The following IYD variants were observed in gnomAD, a reference collection of about 807,000 sequenced individuals.
The protein encoded by IYD is iodotyrosine deiodinase.
Under a neutral mutation model 28.4 loss-of-function variants are expected in IYD, and 25 were observed. That is an observed-to-expected ratio of 0.88 (90% CI 0.64 to 1.23). The LOEUF (loss-of-function observed/expected upper bound fraction) is 1.23, where lower values mean the gene tolerates loss of function less well. Ranked by LOEUF, IYD falls within the 50% of genes most tolerant of loss-of-function variation. The pLI is 0.00. For missense variants in IYD, 352 were observed against 357.9 expected (o/e 0.98, Z 0.13); for synonymous variants, 140 against 130.8 (o/e 1.07, Z -0.48).
chr6:150,395,734 G>A, intron 4 of IYD: 1 of 706,698 alleles, frequency 1.4e-6, no homozygotes, highest in Non-Finnish European at 2.6e-6. Flanking sequence ...AGCGCGCCAT[G>A]CATGTCTTGT....
At position 150,398,230 on chromosome 6, in the gene IYD, C is replaced by G; in HGVS notation, c.863C>G (p.Thr288Arg). 1 of 1,614,132 alleles carries G rather than the reference C, an allele frequency of 6.2e-7. No individual in the cohort carries two copies. Among genetic ancestry groups the G allele is most frequent in the Non-Finnish European group, 8.5e-7 (1 of 1,180,012 alleles). ...AAACCTCTGGACCAGATCATGGTGA[C>G]AGTGTAGGCAGGGCCCCCCAAGGGA... Reference protein sequence around the residue: ...KRKPLDQIMVTV With the variant: ...KRKPLDQIMVRV Residue 288 changes from threonine to arginine, a missense_variant, in exon 5 of 5, where the codon ACA (threonine) becomes AGA (arginine). Coordinates refer to ENST00000344419, the MANE Select transcript of IYD (RefSeq NM_203395.3).
chr6:150,393,377 G>T (rs897245827), intron 3 of IYD, among the ~76,000 whole-genome samples: 1 of 152,208 alleles, frequency 6.6e-6, no homozygotes, highest in African/African-American at 2.4e-5. Context: ...TGGTTAAGTA[G>T]CTTTGAAAGT....
chr6:150,396,671 G>C (rs757572396), intron 4 of IYD: 24 of 386,084 alleles, frequency 6.2e-5, no homozygotes, highest in Non-Finnish European at 1.1e-4. Flanking sequence ...TCAGGAGATC[G>C]AGACCATCCT....
intron 1 of IYD, among the ~76,000 whole-genome samples, chr6:150,378,723 G>A (rs1777542443): frequency 6.6e-6 from 1 of 152,230 alleles, no homozygotes; most frequent in South Asian, 2.1e-4. Flanking sequence ...CATTGTGGAA[G>A]TCAGTGTGGC....
intron 2 of IYD, among the ~76,000 whole-genome samples, chr6:150,389,859 C>A (rs1221481491): frequency 6.6e-6 from 1 of 152,106 alleles, no homozygotes; most frequent in Non-Finnish European, 1.5e-5. Flanking sequence ...AGGAGATACA[C>A]CTTCTTTCTT....
intron 2 of IYD, among the ~76,000 whole-genome samples, chr6:150,391,911 G>T (rs2115052558): frequency 6.6e-6 from 1 of 151,996 alleles, no homozygotes; most frequent in East Asian, 1.9e-4. Flanking sequence ...GTTTCACCAT[G>T]TTGGCCAGGC....
rs1204800403 is a variant in IYD, at chr6:150,395,308, A to G, written c.687+1053A>G. On this transcript the variant is annotated intron_variant, in intron 4 of 4. Coordinates refer to ENST00000344419, the MANE Select transcript of IYD (RefSeq NM_203395.3). The stretch of plus-strand genomic sequence containing the variant: ...CTTTTGAGAGACAATGGATTAAAAA[A>G]AAAAGAGAGCTTCTTCACTATCTCA... The G allele has an allele frequency of 7.6e-6, 7 of 925,718 alleles. No homozygotes were observed. In the Admixed American group the frequency reaches 1.9e-4, roughly 25 times the overall value. 57.3% of individuals were successfully genotyped at this position (925,718 alleles called of 1,614,324 possible). A position where few individuals can be genotyped will look rare whatever the true frequency, so the allele number is the denominator to read the frequency against.
chr6:150,370,224 CGTGT>C (rs376701812), intron 1 of IYD, among the ~76,000 whole-genome samples: 1 of 150,170 alleles, frequency 6.7e-6, no homozygotes, highest in African/African-American at 2.5e-5. Flanking sequence ...TGTGCGCGTG[CGTGT>C]GTGTGTGTGC....
At chr6:150,396,586 A>G in intron 4 of IYD, 1 of 635,732 alleles carries the variant, frequency 1.6e-6, no homozygotes, top group Non-Finnish European at 2.8e-6. Flanking sequence ...AAAAAAGTTT[A>G]AGACTTGGCC....
At chr6:150,382,008 G>T (rs7761906) in intron 1 of IYD, among the ~76,000 whole-genome samples, 2 of 152,042 alleles carry the variant, frequency 1.3e-5, no homozygotes, top group South Asian at 2.1e-4. Flanking sequence ...GCAGAGTCAT[G>T]GTGTGAAGGG....
chr6:150,370,294 A>G (rs1261062050), intron 1 of IYD, among the ~76,000 whole-genome samples: 1 of 149,586 alleles, frequency 6.7e-6, no homozygotes, highest in Non-Finnish European at 1.5e-5. Context: ...TGCATGTGTG[A>G]GTGTGTGTGC....
chr6:150,372,891 A>C (rs1269344008), intron 1 of IYD, among the ~76,000 whole-genome samples: 3 of 152,150 alleles, frequency 2.0e-5, no homozygotes, highest in Non-Finnish European at 2.9e-5. Flanking sequence ...GTTAGGGTCC[A>C]AGAAAGAAGA....
rs1778426875 is a variant in IYD, at chr6:150,399,028, G to A, written c.*791G>A. 6.6e-6 allele frequency: 1 copy of A among 152,366 alleles called. No individual in the cohort carries two copies. Among genetic ancestry groups the A allele is most frequent in the Non-Finnish European group, 1.5e-5 (1 of 68,220 alleles). 9.4% of individuals were successfully genotyped at this position (152,366 alleles called of 1,614,324 possible). On this transcript the variant is annotated 3_prime_UTR_variant, in exon 5 of 5. Transcript: ENST00000344419. ...ACTGCACTCCAGCCTGGGCAACAGA[G>A]CGAGAACCTGTCTCAAAAAAAACAA...
At chr6:150,372,444 T>G (rs866350965) in intron 1 of IYD, among the ~76,000 whole-genome samples, 19 of 52,432 alleles carry the variant, frequency 3.6e-4, no homozygotes, top group Non-Finnish European at 6.2e-4. Flanking sequence ...TGTGTGTGTG[T>G]GGGTGGGGTG....
intron 1 of IYD, among the ~76,000 whole-genome samples, chr6:150,372,285 A>G (rs1648559579): frequency 7.5e-6 from 1 of 133,198 alleles, no homozygotes; most frequent in Non-Finnish European, 1.6e-5. Context: ...GTGAGGGGTC[A>G]TTGTGTGACC....
rs377471791 is a variant in IYD at position 150,397,575 on chromosome 6, AAAAAC to A, written c.688-475_688-471del. Among the ~76,000 whole-genome samples, 4 of 125,842 alleles carry A rather than the reference AAAAAC, an allele frequency of 3.2e-5. 1 individual carries two copies. The highest frequency in any genetic ancestry group is 2.0e-4 in the African/African-American group (4 of 19,916). 82.6% of individuals were successfully genotyped at this position (125,842 alleles called of 152,430 possible). On this transcript the variant is annotated intron_variant, in intron 4 of 4. Coordinates refer to ENST00000344419, the MANE Select transcript of IYD (RefSeq NM_203395.3). ...ATAGAGCCATACTTTGTCTCAAAAA[AAAAAC>A]AAAAAACAAAACCGAATATGTATAT...
chr6:150,383,763 G>A (rs1211580795), intron 1 of IYD, among the ~76,000 whole-genome samples: 1 of 138,478 alleles, frequency 7.2e-6, no homozygotes, highest in Non-Finnish European at 1.5e-5. Flanking sequence ...AGGAGTTTGA[G>A]GCCCATGCAA....
At chr6:150,384,028 A>G (rs1166552158) in intron 1 of IYD, among the ~76,000 whole-genome samples, 1 of 152,166 alleles carries the variant, frequency 6.6e-6, no homozygotes, top group Non-Finnish European at 1.5e-5. Flanking sequence ...TCAGTTTCCT[A>G]AAGACACAAT....
At chr6:150,373,004 G>C (rs1442726946) in intron 1 of IYD, among the ~76,000 whole-genome samples, 1 of 152,168 alleles carries the variant, frequency 6.6e-6, no homozygotes, top group Non-Finnish European at 1.5e-5. Flanking sequence ...ATTCATAGAA[G>C]TCCATAGAAA....
Sources: gnomAD v4.1 joint callset for allele counts (sites outside exome capture counted in the v4.1 genomes callset) on GRCh38, gnomAD v4.1.1 for gene constraint, MANE v1.5 for transcripts, NCBI Gene and HGNC (gene_info 2026-07-23, HGNC 2026-07-21) for gene names.